Variants in XKR9 observed in about 807,000 individuals in gnomAD.
XKR9 encodes XK related 9, also known as XK-related protein 9.
A neutral mutation model predicts 32.0 loss-of-function variants in XKR9; 32 were observed. The observed-to-expected ratio is 1.00, with a 90% CI of 0.76 to 1.34. XKR9 has a LOEUF of 1.34. Ranked by LOEUF, XKR9 falls within the 40% of genes most tolerant of loss-of-function variation. The probability of loss-of-function intolerance (pLI) is 0.00; values close to 1 mark genes in which losing one functional copy is unlikely to be tolerated. For synonymous variants in XKR9, 168 were observed against 143.4 expected (o/e 1.17, Z -1.22); for missense variants, 546 against 429.7 (o/e 1.27, Z -2.39).
chr8:70,762,195 C>G (rs965476502), intron 2 of XKR9, among the ~76,000 whole-genome samples: 11 of 151,678 alleles, frequency 7.3e-5, no homozygotes, highest in Non-Finnish European at 1.6e-4. Context: ...TTTTTTGGTT[C>G]CATATGAATT....
chr8:70,981,298 A>C, the XKR9 span, among the ~76,000 whole-genome samples: 1 of 152,188 alleles, frequency 6.6e-6, no homozygotes, highest in Non-Finnish European at 1.5e-5. Flanking sequence ...TGGATGTGTA[A>C]CATAGTCCCA....
At chr8:70,889,046 G>A in the XKR9 span, among the ~76,000 whole-genome samples, 1 of 151,828 alleles carries the variant, frequency 6.6e-6, no homozygotes, top group Non-Finnish European at 1.5e-5. Flanking sequence ...TTGGTAGTAT[G>A]GTAATTTTCA....
the XKR9 span, among the ~76,000 whole-genome samples, chr8:71,050,254 T>G: frequency 2.5e-4 from 31 of 125,164 alleles, no homozygotes; most frequent in African/African-American, 8.7e-4. Context: ...TATATATATA[T>G]ATATATAGAT....
At chr8:70,838,237 C>A in the XKR9 span, among the ~76,000 whole-genome samples, 1 of 151,992 alleles carries the variant, frequency 6.6e-6, no homozygotes, top group Non-Finnish European at 1.5e-5. Flanking sequence ...ATTTTATAAT[C>A]GTTGTCTTTT....
the XKR9 span, among the ~76,000 whole-genome samples, chr8:71,012,364 G>A: frequency 6.6e-6 from 1 of 152,206 alleles, no homozygotes; most frequent in Admixed American, 6.5e-5. Flanking sequence ...TGCTACTACA[G>A]GTTCCCAGGG....
chr8:70,685,199 C>T (rs995485262), intron 3 of XKR9, among the ~76,000 whole-genome samples: 1 of 150,998 alleles, frequency 6.6e-6, no homozygotes, highest in Admixed American at 6.6e-5. Context: ...TTTGTAGGGA[C>T]ATGGGTGAAA....
the XKR9 span, among the ~76,000 whole-genome samples, chr8:70,839,295 A>C: frequency 1.3e-5 from 2 of 152,064 alleles, no homozygotes; most frequent in Non-Finnish European, 2.9e-5. Flanking sequence ...GCTTTCAGAA[A>C]ATTTCACTAA....
chr8:70,981,799 G>T, the XKR9 span, among the ~76,000 whole-genome samples: 1 of 152,092 alleles, frequency 6.6e-6, no homozygotes, highest in African/African-American at 2.4e-5. Context: ...AGAATTCAAG[G>T]GCTGCAGTTC....
At chr8:70,900,286 T>C in the XKR9 span, among the ~76,000 whole-genome samples, 3 of 151,986 alleles carry the variant, frequency 2.0e-5, no homozygotes, top group Non-Finnish European at 2.9e-5. Flanking sequence ...AATGCAAAAA[T>C]GGTGAATTAA....
the XKR9 span, among the ~76,000 whole-genome samples, chr8:70,853,330 T>C: frequency 1.3e-5 from 2 of 151,868 alleles, no homozygotes; most frequent in African/African-American, 2.4e-5. Flanking sequence ...AATAGATAAA[T>C]GCTTGAGGGG....
chr8:70,696,874 AGTTCTCCTTGAAGAGGT>A (rs1252513318), intron 3 of XKR9, among the ~76,000 whole-genome samples: 19 of 149,864 alleles, frequency 1.3e-4, no homozygotes, highest in Non-Finnish European at 2.2e-4. Context: ...AGTGGTTTGT[AGTTCTCCTTGAAGAGGT>A]CCTTCACATC....
the XKR9 span, among the ~76,000 whole-genome samples, chr8:70,885,470 T>A: frequency 1.3e-5 from 2 of 152,326 alleles, no homozygotes; most frequent in African/African-American, 4.8e-5. Context: ...TACATAGGTA[T>A]ACATGTGCCA....
downstream of XKR9, among the ~76,000 whole-genome samples, chr8:70,738,385 G>A (rs201956593): frequency 7.8e-4 from 116 of 147,786 alleles, no homozygotes; most frequent in East Asian, 7.9e-3. Flanking sequence ...TCTTGCTAGC[G>A]GTCTATCAAT....
intron 2 of XKR9, among the ~76,000 whole-genome samples, chr8:70,776,900 C>A (rs529508595): frequency 1.6e-5 from 2 of 125,010 alleles, no homozygotes; most frequent in Admixed American, 1.7e-4. Flanking sequence ...CAGTACCTTG[C>A]ATTTAGCAGG....
At chr8:71,053,672 C>T in the XKR9 span, among the ~76,000 whole-genome samples, 1 of 152,174 alleles carries the variant, frequency 6.6e-6, no homozygotes, top group Non-Finnish European at 1.5e-5. Context: ...TTTTAGCTTT[C>T]CTTGAAACCA....
intron 2 of XKR9, among the ~76,000 whole-genome samples, chr8:70,753,400 C>A (rs1474026964): frequency 6.6e-6 from 1 of 151,990 alleles, no homozygotes; most frequent in Non-Finnish European, 1.5e-5. Context: ...AGGGAATCCT[C>A]CCTAACTCAT....
At chr8:70,836,006 A>G in the XKR9 span, among the ~76,000 whole-genome samples, 1 of 152,036 alleles carries the variant, frequency 6.6e-6, no homozygotes, top group African/African-American at 2.4e-5. Context: ...GTGAGTACCC[A>G]TATATCTGTC....
intron 2 of XKR9, among the ~76,000 whole-genome samples, chr8:70,745,169 A>G (rs1807040649): frequency 7.6e-6 from 1 of 131,424 alleles, no homozygotes; most frequent in South Asian, 2.2e-4. Context: ...CAAGAAATAA[A>G]TGGGAAGATC....
At chr8:70,842,888 T>C in the XKR9 span, among the ~76,000 whole-genome samples, 2 of 152,040 alleles carry the variant, frequency 1.3e-5, no homozygotes, top group Non-Finnish European at 2.9e-5. Context: ...CAGGCAACCA[T>C]TGCTGCCCTT....
Sources: gnomAD v4.1 joint callset for allele counts (sites outside exome capture counted in the v4.1 genomes callset) on GRCh38, gnomAD v4.1.1 for gene constraint, MANE v1.5 for transcripts, NCBI Gene and HGNC (gene_info 2026-07-23, HGNC 2026-07-21) for gene names.